C1orf141: variants seen among roughly 807,000 people sequenced by gnomAD.
C1orf141 encodes the protein uncharacterized protein C1orf141.
In C1orf141, 19 loss-of-function variants were observed where a neutral mutation model predicts 23.2. The observed-to-expected ratio is 0.82, with a 90% CI of 0.57 to 1.20. C1orf141 has a LOEUF of 1.20. C1orf141 is among the 50% of genes most tolerant of loss of function. The pLI, the probability that C1orf141 is intolerant of heterozygous loss-of-function variation, is 0.00. For synonymous variants in C1orf141, 153 were observed against 154.6 expected (o/e 0.99, Z 0.08); for missense variants, 469 against 455.1 (o/e 1.03, Z -0.28).
At chr1:67,098,694 G>C (rs976454523) in intron 5 of C1orf141, among the ~76,000 whole-genome samples, 1 of 152,116 alleles carries the variant, frequency 6.6e-6, no homozygotes, top group African/African-American at 2.4e-5. Context: ...ATGCGTCATA[G>C]TTTAATTAAC....
chr1:67,141,352 A>G (rs536883666), intron 1 of C1orf141, among the ~76,000 whole-genome samples: 2 of 152,324 alleles, frequency 1.3e-5, no homozygotes, highest in South Asian at 4.1e-4. Context: ...CCAACAAGTT[A>G]TTAAAACACT....
chr1:67,116,533 T>C (rs566186016), intron 4 of C1orf141, among the ~76,000 whole-genome samples: 126 of 152,158 alleles, frequency 8.3e-4, no homozygotes, highest in Non-Finnish European at 1.1e-3. Context: ...AAAATACAAA[T>C]GTGACTATCA....
intron 5 of C1orf141, among the ~76,000 whole-genome samples, chr1:67,112,922 A>T (rs1570706070): frequency 6.6e-6 from 1 of 152,300 alleles, no homozygotes; most frequent in Middle Eastern, 3.4e-3. Context: ...AGAGGGGAAA[A>T]TATATATTCC....
chr1:67,139,203 T>C (rs1275060335), upstream of C1orf141: 1 of 152,176 alleles, frequency 6.6e-6, no homozygotes, highest in African/African-American at 2.4e-5. Flanking sequence ...TTTATTTTTC[T>C]ATAGAAGTAA....
chr1:67,119,170 C>T (rs528756639), intron 4 of C1orf141, among the ~76,000 whole-genome samples: 83 of 152,224 alleles, frequency 5.5e-4, no homozygotes, highest in African/African-American at 1.8e-3. Flanking sequence ...CTTCCATTTT[C>T]TTAGAGACTC....
At position 67,127,255 on chromosome 1, in the gene C1orf141, T is replaced by C; in HGVS notation, c.-15A>G. ...TTTTCTGCCATTGTCAATCACTAAATTCCTATTTTAAAATAAGGAGGAAGA... is the reference window on the plus strand; with the variant it reads ...TTTTCTGCCATTGTCAATCACTAAACTCCTATTTTAAAATAAGGAGGAAGA... On this transcript the variant is annotated splice_region_variant and 5_prime_UTR_variant, in exon 3 of 8. Transcript: ENST00000684719. The C allele has an allele frequency of 1.3e-6, 2 of 1,550,366 alleles. No homozygotes were observed. Among genetic ancestry groups the C allele is most frequent in the Non-Finnish European group, 1.8e-6 (2 of 1,129,050 alleles).
At chr1:67,138,574 A>G (rs538299440), upstream of C1orf141, among the ~76,000 whole-genome samples, 4 of 151,964 alleles carry the variant, frequency 2.6e-5, no homozygotes, top group African/African-American at 9.7e-5. Flanking sequence ...TAGGCTTGAC[A>G]TTCCCTTCCA....
intron 1 of C1orf141, among the ~76,000 whole-genome samples, chr1:67,133,322 G>T (rs576957773): frequency 2.6e-5 from 4 of 152,120 alleles, no homozygotes; most frequent in Non-Finnish European, 5.9e-5. Context: ...GGCTTTATCA[G>T]TTCAAATGCT....
At chr1:67,140,350 T>C (rs1646625260) in intron 1 of C1orf141, among the ~76,000 whole-genome samples, 1 of 152,156 alleles carries the variant, frequency 6.6e-6, no homozygotes, top group African/African-American at 2.4e-5. Flanking sequence ...ACAAAGAGTA[T>C]CTTAAAATTT....
chr1:67,113,870 T>A (rs535906450), intron 5 of C1orf141: 38 of 393,328 alleles, frequency 9.7e-5, no homozygotes, highest in South Asian at 7.1e-4. Context: ...AGATTGAATA[T>A]TTTTTAAAGT....
intron 1 of C1orf141, among the ~76,000 whole-genome samples, chr1:67,133,522 G>A (rs929738423): frequency 5.9e-5 from 9 of 152,154 alleles, no homozygotes; most frequent in African/African-American, 1.9e-4. Flanking sequence ...AATCTAAAAT[G>A]TTGATAAATG....
upstream of C1orf141, among the ~76,000 whole-genome samples, chr1:67,136,110 G>T (rs1419551775): frequency 6.6e-6 from 1 of 152,142 alleles, no homozygotes; most frequent in African/African-American, 2.4e-5. Flanking sequence ...ATAGCCCACT[G>T]CAGCCTCAAT....
At chr1:67,101,509 A>T (rs1194721977) in intron 5 of C1orf141, among the ~76,000 whole-genome samples, 1 of 144,438 alleles carries the variant, frequency 6.9e-6, no homozygotes, top group African/African-American at 2.5e-5. Flanking sequence ...TGGTTATAAC[A>T]GGGGATTTTT....
At chr1:67,124,630 T>C (rs1558203345) in intron 4 of C1orf141, among the ~76,000 whole-genome samples, 2 of 152,166 alleles carry the variant, frequency 1.3e-5, no homozygotes, top group Admixed American at 6.5e-5. Flanking sequence ...ACAAATGTCA[T>C]AGTGCTCACG....
At chr1:67,102,868 A>G (rs1014605729) in intron 5 of C1orf141, 6 of 153,766 alleles carry the variant, frequency 3.9e-5, no homozygotes, top group Non-Finnish European at 5.8e-5. Flanking sequence ...TTTTTTTTAG[A>G]TAATAAATAT....
intron 5 of C1orf141, among the ~76,000 whole-genome samples, chr1:67,105,913 A>G (rs1645916638): frequency 6.6e-6 from 1 of 152,186 alleles, no homozygotes; most frequent in Non-Finnish European, 1.5e-5. Flanking sequence ...GAGCTGCTGG[A>G]AAGTGAGAAA....
At chr1:67,119,149 A>G (rs1328620390) in intron 4 of C1orf141, among the ~76,000 whole-genome samples, 3 of 152,206 alleles carry the variant, frequency 2.0e-5, no homozygotes, top group Non-Finnish European at 2.9e-5. Context: ...CTTAAAAAGA[A>G]AAGAGAAAAG....
upstream of C1orf141, among the ~76,000 whole-genome samples, chr1:67,139,434 C>A (rs1349746365): frequency 6.6e-6 from 1 of 152,180 alleles, no homozygotes; most frequent in Non-Finnish European, 1.5e-5. Context: ...ACAGTCCACA[C>A]AACATAGCTC....
upstream of C1orf141, among the ~76,000 whole-genome samples, chr1:67,137,546 C>T (rs1017398079): frequency 2.0e-5 from 3 of 152,174 alleles, no homozygotes; most frequent in African/African-American, 7.2e-5. Context: ...TACCACGTGA[C>T]CCAAAGCCCT....
Sources: gnomAD v4.1 joint callset for allele counts (sites outside exome capture counted in the v4.1 genomes callset) on GRCh38, gnomAD v4.1.1 for gene constraint, MANE v1.5 for transcripts, NCBI Gene and HGNC (gene_info 2026-07-23, HGNC 2026-07-21) for gene names.